Variants in KAT2B observed in about 807,000 individuals in gnomAD.
KAT2B encodes the protein lysine acetyltransferase 2B.
In KAT2B, 36 loss-of-function variants were observed where a neutral mutation model predicts 105.9. That is an observed-to-expected ratio of 0.34 (90% CI 0.26 to 0.45). The LOEUF (loss-of-function observed/expected upper bound fraction) is 0.45, where lower values mean the gene tolerates loss of function less well. KAT2B is among the 20% of genes least tolerant of loss of function. The pLI, the probability that KAT2B is intolerant of heterozygous loss-of-function variation, is 1.00. For synonymous variants in KAT2B, 397 were observed against 377.9 expected (o/e 1.05, Z -0.59); for missense variants, 820 against 1,021.6 (o/e 0.80, Z 2.69).
intron 1 of KAT2B, 43 bp downstream of exon 1, chr3:20,040,823 C>T (rs760140894): frequency 3.3e-6 from 5 of 1,532,858 alleles, no homozygotes; most frequent in Non-Finnish European, 4.4e-6. Flanking sequence ...GTGCTAGGGG[C>T]CCAGCCCGCG....
chr3:20,138,235 C>T (rs998122232), intron 12 of KAT2B, among the ~76,000 whole-genome samples: 2 of 152,050 alleles, frequency 1.3e-5, no homozygotes, highest in African/African-American at 2.4e-5. Flanking sequence ...TATTTTTCCT[C>T]TCAGCTCATA....
chr3:20,049,928 C>T (rs770148575), intron 1 of KAT2B, among the ~76,000 whole-genome samples: 33 of 152,136 alleles, frequency 2.2e-4, no homozygotes, highest in Non-Finnish European at 3.5e-4. Context: ...AGCTGGGCAC[C>T]GTGGCTCCCC....
At chr3:20,081,345 A>C (rs1698515839) in intron 2 of KAT2B, among the ~76,000 whole-genome samples, 1 of 152,294 alleles carries the variant, frequency 6.6e-6, no homozygotes, top group Non-Finnish European at 1.5e-5. Context: ...GTCACGGCAC[A>C]CAGTGACAGT....
At chr3:20,115,083 C>A in intron 7 of KAT2B, 95 bp downstream of exon 7, 1 of 742,884 alleles carries the variant, frequency 1.3e-6, no homozygotes, top group South Asian at 1.6e-5. Context: ...GCTCTATAGT[C>A]AAATGAGCTT....
intron 1 of KAT2B, 21 bp downstream of exon 1, chr3:20,040,801 G>A (rs1218697717): frequency 6.3e-7 from 1 of 1,576,762 alleles, no homozygotes; most frequent in Middle Eastern, 1.8e-4. Flanking sequence ...GCCGCTCTCG[G>A]ACCGCGGATG....
intron 2 of KAT2B, among the ~76,000 whole-genome samples, chr3:20,087,762 T>C (rs1007557677): frequency 6.6e-6 from 1 of 152,164 alleles, no homozygotes; most frequent in Non-Finnish European, 1.5e-5. Context: ...AGTATTTGTC[T>C]TTCTGTGCCT....
intron 1 of KAT2B, among the ~76,000 whole-genome samples, chr3:20,056,635 G>C (rs1233120401): frequency 6.6e-6 from 1 of 152,168 alleles, no homozygotes; most frequent in African/African-American, 2.4e-5. Flanking sequence ...TATGGTCAAA[G>C]AGAAACTGGG....
intron 10 of KAT2B, among the ~76,000 whole-genome samples, 158 bp downstream of exon 10, chr3:20,126,271 G>GTTTCA (rs1699402105): frequency 6.6e-6 from 1 of 152,166 alleles, no homozygotes; most frequent in Admixed American, 6.5e-5. Flanking sequence ...ATGTCTGAAA[G>GTTTCA]TGCTAAGAGT....
chr3:20,072,200 G>C, intron 1 of KAT2B, 133 bp from the exon 2 acceptor site: 1 of 882,604 alleles, frequency 1.1e-6, no homozygotes, highest in African/African-American at 1.7e-5. Flanking sequence ...TTTCTCTTGT[G>C]TATATGGCAG....
intron 17 of KAT2B, among the ~76,000 whole-genome samples, chr3:20,150,439 G>A (rs1229641675): frequency 6.6e-6 from 1 of 152,094 alleles, no homozygotes; most frequent in African/African-American, 2.4e-5. Context: ...TACTTAGGGA[G>A]TCACACACTG....
intron 2 of KAT2B, among the ~76,000 whole-genome samples, chr3:20,082,974 G>A (rs1040299993): frequency 2.6e-5 from 4 of 152,158 alleles, no homozygotes; most frequent in Non-Finnish European, 4.4e-5. Context: ...TGGGCCTTCC[G>A]TTGAATGCAG....
chr3:20,109,756 A>C (rs939518372), intron 5 of KAT2B, among the ~76,000 whole-genome samples: 15 of 152,224 alleles, frequency 9.9e-5, no homozygotes, highest in Non-Finnish European at 1.8e-4. Context: ...TTTTTCTGCT[A>C]CCAAGATCAC....
rs139100340 is a variant in KAT2B at position 20,061,200 on chromosome 3, T to C, written c.304-11133T>C. The stretch of plus-strand genomic sequence containing the variant: ...CCTATCTCTATGAATTTGGCTACCA[T>C]AGACACCTTATCTAAGTGGAATCAT... On this transcript the variant is annotated intron_variant, in intron 1 of 17. Transcript: ENST00000263754. Among the ~76,000 whole-genome samples the C allele has an allele frequency of 7.9e-5, 12 of 152,304 alleles. 1 individual carries two copies. In the East Asian group the frequency reaches 1.9e-3, roughly 24 times the overall value.
chr3:20,093,965 C>T (rs1698766147), intron 2 of KAT2B, among the ~76,000 whole-genome samples: 1 of 152,116 alleles, frequency 6.6e-6, no homozygotes, highest in African/African-American at 2.4e-5. Flanking sequence ...ATCATTTAGT[C>T]AACAAAAATA....
intron 2 of KAT2B, among the ~76,000 whole-genome samples, chr3:20,087,102 A>G (rs953093536): frequency 2.6e-5 from 4 of 152,166 alleles, no homozygotes; most frequent in Admixed American, 2.6e-4. Flanking sequence ...AGGATACAAA[A>G]TTACTGCTGG....
chr3:20,057,598 A>G (rs886718972), intron 1 of KAT2B, among the ~76,000 whole-genome samples: 17 of 152,220 alleles, frequency 1.1e-4, no homozygotes, highest in Admixed American at 7.9e-4. Flanking sequence ...TTTGACAGAT[A>G]ATTTCTGATA....
chr3:20,146,184 A>G, intron 13 of KAT2B, 132 bp from the exon 14 acceptor site: 1 of 645,310 alleles, frequency 1.5e-6, no homozygotes. Flanking sequence ...GTTAAATAGC[A>G]TTCACCCCTT....
intron 3 of KAT2B, among the ~76,000 whole-genome samples, chr3:20,098,429 CA>C (rs1007944459): frequency 6.6e-6 from 1 of 152,144 alleles, no homozygotes; most frequent in African/African-American, 2.4e-5. Context: ...GCACCTACCT[CA>C]AAAGGTTGTA....
chr3:20,152,685 GA>G lies in KAT2B; in HGVS notation c.*161del. ...CAAAAAACCTCCTTTTAGCTTTTCAGATATGTATTTAAATTGAAGTCATAGG... is the reference window on the plus strand; with the variant it reads ...CAAAAAACCTCCTTTTAGCTTTTCAGTATGTATTTAAATTGAAGTCATAGG... On this transcript the variant is annotated 3_prime_UTR_variant, in exon 18 of 18. Coordinates refer to ENST00000263754, the MANE Select transcript of KAT2B (RefSeq NM_003884.5). 1.9e-6 allele frequency: 1 copy of G among 521,546 alleles called. No homozygotes were observed. The highest frequency in any genetic ancestry group is 2.9e-5 in the East Asian group (1 of 34,372). The allele number at this position is 521,546 out of a possible 1,614,324, so 32.3% of individuals were successfully genotyped here. A position where few individuals can be genotyped will look rare whatever the true frequency, so the allele number is the denominator to read the frequency against.
Sources: gnomAD v4.1 joint callset for allele counts (sites outside exome capture counted in the v4.1 genomes callset) on GRCh38, gnomAD v4.1.1 for gene constraint, MANE v1.5 for transcripts, NCBI Gene and HGNC (gene_info 2026-07-23, HGNC 2026-07-21) for gene names.